The following CDO1 variants were observed in gnomAD, a reference collection of about 807,000 sequenced individuals.
CDO1 encodes the protein cysteine dioxygenase type 1.
A neutral mutation model predicts 24.5 loss-of-function variants in CDO1; 19 were observed. The ratio of observed to expected loss-of-function variants is 0.77; its 90% CI spans 0.54 to 1.14. The LOEUF (loss-of-function observed/expected upper bound fraction) is 1.14, where lower values mean the gene tolerates loss of function less well. CDO1 is among the 50% of genes most tolerant of loss of function. CDO1 has a pLI of 0.00. For missense variants in CDO1, 244 were observed against 244.8 expected (o/e 1.00, Z 0.02); for synonymous variants, 91 against 87.0 (o/e 1.05, Z -0.26).
rs138426808 is a variant in CDO1 at position 115,810,969 on chromosome 5, T to C, written c.403+192A>G. Reference sequence around the variant, plus strand: ...GGATACTGATCTGCATGCATATGTTTTCAATAAGTGATTCCAACCAAGATA... The same window carrying C: ...GGATACTGATCTGCATGCATATGTTCTCAATAAGTGATTCCAACCAAGATA... On this transcript the variant is annotated intron_variant, in intron 3 of 4. Coordinates refer to ENST00000250535, the MANE Select transcript of CDO1 (RefSeq NM_001801.3). Among the ~76,000 whole-genome samples, 478 of 152,354 alleles carry C rather than the reference T, an allele frequency of 3.1e-3. 1 individual carries two copies. The highest frequency in any genetic ancestry group is 4.6e-3 in the South Asian group (22 of 4,822).
In CDO1 at chr5:115,811,284, A is replaced by T; in HGVS notation, c.280T>A (p.Phe94Ile). ...AGATTTCCCTGTAGCATCTTCAGAA[A>T]GCAGTGGGAGTTGGTATGATCATGA... is the stretch of plus-strand genomic sequence containing the variant. ...SIHDHTNSHC[F>I]LKMLQGNLKE... The change falls in exon 3 of 5, where the codon TTT (phenylalanine) becomes ATT (isoleucine). Residue 94 changes from phenylalanine (F) to isoleucine (I), a missense_variant. Phe to Ile is a conservative substitution (Grantham distance 21). Coordinates refer to ENST00000250535, the MANE Select transcript of CDO1 (RefSeq NM_001801.3). The T allele has an allele frequency of 6.2e-7, 1 of 1,613,314 alleles. No individual in the cohort carries two copies.
rs1455611723 is a variant in CDO1, at chr5:115,805,173, G to C, written c.*260C>G. 2.5e-6 allele frequency: 1 copy of C among 395,338 alleles called. No individual in the cohort carries two copies. Among genetic ancestry groups the C allele is most frequent in the Non-Finnish European group, 4.5e-6 (1 of 223,470 alleles). The allele number at this position is 395,338 out of a possible 1,614,324, so 24.5% of individuals were successfully genotyped here. ...TCCTAGTATGGATTTAATGGAATTA[G>C]AGGATAGAACTATGAGAGCACTTGA... On this transcript the variant is annotated 3_prime_UTR_variant, in exon 5 of 5. Coordinates refer to ENST00000250535, the MANE Select transcript of CDO1 (RefSeq NM_001801.3).
At chr5:115,811,778 G>A (rs930963356) in intron 2 of CDO1, among the ~76,000 whole-genome samples, 1 of 152,094 alleles carries the variant, frequency 6.6e-6, no homozygotes, top group Non-Finnish European at 1.5e-5. Flanking sequence ...TTTCCCCAAG[G>A]CTTTTGTCTT....
At chr5:115,806,725 A>G (rs914944903) in intron 3 of CDO1, among the ~76,000 whole-genome samples, 20 of 152,224 alleles carry the variant, frequency 1.3e-4, no homozygotes, top group African/African-American at 4.6e-4. Context: ...AATGGCAGTA[A>G]AAAAATAAAA....
intron 2 of CDO1, among the ~76,000 whole-genome samples, chr5:115,812,057 ATTCAT>A (rs1195358284): frequency 6.6e-6 from 1 of 152,160 alleles, no homozygotes; most frequent in East Asian, 1.9e-4. Flanking sequence ...CATTTTGGGT[ATTCAT>A]TTCATCTATT....
intron 3 of CDO1, among the ~76,000 whole-genome samples, chr5:115,808,873 G>A (rs1760065728): frequency 6.6e-6 from 1 of 152,190 alleles, no homozygotes; most frequent in African/African-American, 2.4e-5. Flanking sequence ...GAGGCTTTGT[G>A]CTTTCTTCTT....
chr5:115,812,981 A>C (rs1211017773), intron 2 of CDO1, among the ~76,000 whole-genome samples, 200 bp downstream of exon 2: 1 of 149,766 alleles, frequency 6.7e-6, no homozygotes, highest in East Asian at 2.0e-4. Context: ...CAGGAGGCAG[A>C]AGTTGCAGTG....
At chr5:115,809,622 C>T (rs1486733642) in intron 3 of CDO1, 3 of 152,128 alleles carry the variant, frequency 2.0e-5, no homozygotes, top group Admixed American at 2.0e-4. Flanking sequence ...ACAATTGTAC[C>T]TTCACTTGTG....
rs73780660 is a variant in CDO1 at position 115,811,118 on chromosome 5, A to T, written c.403+43T>A. 1.3e-4 allele frequency: 207 copies of T among 1,573,502 alleles called. No individual in the cohort carries two copies. In the African/African-American group the frequency reaches 2.5e-3, roughly 19 times the overall value. ...TAACCAATATTTCAGACAAAAGGTC[A>T]TGGTTCTTCCCACTTGCCCTTAGAA... On this transcript the variant is annotated intron_variant, in intron 3 of 4. Transcript: ENST00000250535.
Position 115,816,263 on chromosome 5 carries a change from G to C in CDO1, c.135C>G (p.Thr45=), listed in dbSNP as rs199673192. 1.2e-6 allele frequency: 2 copies of C among 1,614,236 alleles called. No individual in the cohort carries two copies. Among genetic ancestry groups the C allele is most frequent in the Non-Finnish European group, 1.7e-6 (2 of 1,180,044 alleles). Residue 45 remains threonine, a synonymous_variant, in exon 1 of 5, where the codon ACC becomes ACG. Coordinates refer to ENST00000250535, the MANE Select transcript of CDO1 (RefSeq NM_001801.3). Reference sequence around the variant, plus strand: ...CGAACTTGGCGTACATTGCCCACTCGGTGGGGTCGCTCTCGTAGGCTTCCA... The same window carrying C: ...CGAACTTGGCGTACATTGCCCACTCCGTGGGGTCGCTCTCGTAGGCTTCCA... ...AIMEAYESDP[T]EWAMYAKFDQ...
chr5:115,806,474 G>T lies in CDO1; in HGVS notation c.448C>A (p.Pro150Thr), dbSNP rs1402576228. 2 of 1,610,924 alleles carry T rather than the reference G, an allele frequency of 1.2e-6. No homozygotes were observed. Among genetic ancestry groups the T allele is most frequent in the Admixed American group, 1.7e-5 (1 of 59,284 alleles). ...CTGTACAAGTGAAGGCTCACAGCAG[G>T]TTCCGTATGGCTGATGTTCTCTACT... ...HRVENISHTE[P>T]AVSLHLYSPP... Residue 150 changes from proline to threonine, a missense_variant, in exon 4 of 5, where the codon CCT becomes ACT. Pro to Thr is a conservative substitution (Grantham distance 38). Transcript: ENST00000250535.
intron 3 of CDO1, among the ~76,000 whole-genome samples, chr5:115,808,722 C>A (rs1414958161): frequency 1.1e-4 from 16 of 144,962 alleles, no homozygotes; most frequent in Admixed American, 3.3e-4. Flanking sequence ...CACACACACA[C>A]AAAAACAAAA....
At chr5:115,812,422 T>G (rs1760229080) in intron 2 of CDO1, among the ~76,000 whole-genome samples, 1 of 152,204 alleles carries the variant, frequency 6.6e-6, no homozygotes, top group South Asian at 2.1e-4. Context: ...AAGTTGCCTT[T>G]TCAGTAAAGA....
intron 1 of CDO1, chr5:115,814,198 T>G (rs569629159): frequency 3.9e-5 from 6 of 152,340 alleles, no homozygotes; most frequent in African/African-American, 1.4e-4. Flanking sequence ...AGCATGATCC[T>G]AGAGGGAGTT....
At chr5:115,807,182 G>A (rs547222729) in intron 3 of CDO1, among the ~76,000 whole-genome samples, 5 of 152,318 alleles carry the variant, frequency 3.3e-5, no homozygotes, top group Non-Finnish European at 7.4e-5. Context: ...ACCTAGCTGC[G>A]AGAATGCTGC....
Position 115,810,648 on chromosome 5 carries a change from CTATCCCA to C in CDO1, c.403+506_403+512del, listed in dbSNP as rs1336610347. 1.7e-4 allele frequency among the ~76,000 whole-genome samples: 26 copies of C among 152,284 alleles called. No individual in the cohort carries two copies. In the South Asian group the frequency reaches 3.1e-3, roughly 18 times the overall value. ...ACTGCCTCTCTTGAAAAGTATTTGGCTATCCCATATCCCATTTAGAAAAGATAAGGAA... is the reference window on the plus strand; with the variant it reads ...ACTGCCTCTCTTGAAAAGTATTTGGCTATCCCATTTAGAAAAGATAAGGAA... On this transcript the variant is annotated intron_variant, in intron 3 of 4. Transcript: ENST00000250535.
intron 4 of CDO1, 103 bp from the exon 5 acceptor site, chr5:115,805,565 G>A: frequency 3.2e-6 from 3 of 951,792 alleles, no homozygotes; most frequent in Non-Finnish European, 4.9e-6. Context: ...TGAAAACTCA[G>A]CAAGGGCAAG....
chr5:115,806,353 G>C lies in CDO1; in HGVS notation c.569C>G (p.Pro190Arg). The C allele has an allele frequency of 6.2e-7, 1 of 1,603,484 alleles. No homozygotes were observed. ...CCTAGAAGAAATTATACTCACATTT[G>C]GAGTTCTGATTCCAAATTTACTATG... ...TFHSKFGIRT[P>R]NATSGSLENN Residue 190 changes from proline (P) to arginine (R), a missense_variant, in exon 4 of 5, where the codon CCA becomes CGA. By Grantham distance (103) the Pro-to-Arg change is moderately radical. Transcript: ENST00000250535.
chr5:115,811,055 G>T, intron 3 of CDO1, 106 bp downstream of exon 3: 2 of 1,036,230 alleles, frequency 1.9e-6, no homozygotes, highest in Non-Finnish European at 1.4e-6. Flanking sequence ...TTTAAATCAT[G>T]ACTCATGATC....
Sources: gnomAD v4.1 joint callset for allele counts (sites outside exome capture counted in the v4.1 genomes callset) on GRCh38, gnomAD v4.1.1 for gene constraint, MANE v1.5 for transcripts, NCBI Gene and HGNC (gene_info 2026-07-23, HGNC 2026-07-21) for gene names.